Variants in ZC3H12B observed in about 807,000 individuals in gnomAD.
ZC3H12B encodes zinc finger CCCH-type containing 12B.
In ZC3H12B, 7 loss-of-function variants were observed where a neutral mutation model predicts 43.9. That is an observed-to-expected ratio of 0.16 (90% confidence interval 0.09 to 0.30). The LOEUF is 0.30. Among genes scored for constraint, ZC3H12B ranks in the 10% least tolerant of loss-of-function variants. ZC3H12B has a pLI of 1.00. For synonymous variants in ZC3H12B, 222 were observed against 241.7 expected, an observed-to-expected ratio of 0.92 and a Z score of 0.76; for missense variants, 475 against 670.2, an observed-to-expected ratio of 0.71 and a Z score of 3.22.
At chrX:65,371,058 T>C (rs2066237785) in intron 2 of ZC3H12B, among the ~76,000 whole-genome samples, 1 of 112,089 alleles carries the variant, frequency 8.9e-6, no homozygotes, top group African/African-American at 3.2e-5. Flanking sequence ...ATTCCAACAT[T>C]GATATTCTAA....
chrX:65,312,812 G>A, the ZC3H12B span, among the ~76,000 whole-genome samples: 2 of 111,831 alleles, frequency 1.8e-5, no homozygotes, highest in Non-Finnish European at 3.8e-5. Context: ...TCCCTCTCCT[G>A]AGAGCTCCAC....
chrX:65,104,495 A>C, the ZC3H12B span, among the ~76,000 whole-genome samples: 3 of 111,894 alleles, frequency 2.7e-5, no homozygotes, highest in Admixed American at 2.8e-4. Context: ...AATGGGAGAA[A>C]ATTTTTGCAA....
chrX:65,412,678 G>T (rs1000173205), intron 3 of ZC3H12B, among the ~76,000 whole-genome samples: 2 of 111,093 alleles, frequency 1.8e-5, no homozygotes, highest in Non-Finnish European at 3.8e-5. Flanking sequence ...ATGCTACCCA[G>T]GCTGGTCTTG....
the ZC3H12B span, among the ~76,000 whole-genome samples, chrX:65,228,672 A>T: frequency 1.8e-5 from 2 of 112,383 alleles, no homozygotes; most frequent in Non-Finnish European, 3.8e-5. Flanking sequence ...AGCTGATAAC[A>T]ACTTCAGCAA....
At chrX:65,366,873 G>A (rs2066181141) in intron 1 of ZC3H12B, 107 bp downstream of exon 3, 1 of 112,309 alleles carries the variant, frequency 8.9e-6, no homozygotes, top group Non-Finnish European at 1.9e-5. Context: ...CCTATGTGAT[G>A]ACAGTCAACT....
At chrX:65,165,061 C>T in the ZC3H12B span, among the ~76,000 whole-genome samples, 6 of 111,167 alleles carry the variant, frequency 5.4e-5, no homozygotes, top group South Asian at 3.7e-4. Flanking sequence ...AGTTATATTT[C>T]GATGTTACAA....
the ZC3H12B span, among the ~76,000 whole-genome samples, chrX:65,225,537 C>T: frequency 4.1e-4 from 46 of 112,428 alleles, no homozygotes; most frequent in South Asian, 7.3e-4. Context: ...ATGACTTTGA[C>T]GAGTTGAGAG....
chrX:65,299,044 TG>T, the ZC3H12B span, among the ~76,000 whole-genome samples: 1 of 111,729 alleles, frequency 9.0e-6, no homozygotes, highest in Non-Finnish European at 1.9e-5. Context: ...ATGGGGATTA[TG>T]GGAATTATAA....
intron 3 of ZC3H12B, among the ~76,000 whole-genome samples, chrX:65,407,883 G>T (rs1347507062): frequency 1.8e-5 from 2 of 113,708 alleles, no homozygotes; most frequent in Non-Finnish European, 3.7e-5. Context: ...GCCGGAGCCC[G>T]CACCGACGGG....
At chrX:65,436,033 C>T (rs2067217793) in intron 3 of ZC3H12B, among the ~76,000 whole-genome samples, 2 of 112,142 alleles carry the variant, frequency 1.8e-5, no homozygotes, top group African/African-American at 3.2e-5. Flanking sequence ...CATGGATACA[C>T]AGGCTGTACA....
intron 3 of ZC3H12B, among the ~76,000 whole-genome samples, chrX:65,442,392 G>A (rs1228601009): frequency 2.7e-5 from 3 of 111,097 alleles, no homozygotes; most frequent in Admixed American, 9.6e-5. Flanking sequence ...CTGTTTTATA[G>A]CACTAAAGGA....
intron 3 of ZC3H12B, among the ~76,000 whole-genome samples, chrX:65,441,467 C>T (rs1446240617): frequency 8.9e-6 from 1 of 111,801 alleles, no homozygotes; most frequent in East Asian, 2.8e-4. Context: ...CAATAAGCTG[C>T]TTTGCCTTGT....
chrX:65,447,158 G>A (rs1356012536), intron 3 of ZC3H12B, among the ~76,000 whole-genome samples: 1 of 111,070 alleles, frequency 9.0e-6, no homozygotes, highest in Admixed American at 9.6e-5. Context: ...TCTATAATAT[G>A]TATATTAACC....
the ZC3H12B span, among the ~76,000 whole-genome samples, chrX:65,091,416 G>A: frequency 8.9e-6 from 1 of 112,322 alleles, no homozygotes; most frequent in Non-Finnish European, 1.9e-5. Flanking sequence ...AGTGTTTGTT[G>A]TTTCATGCCA....
chrX:65,153,996 C>T, the ZC3H12B span, among the ~76,000 whole-genome samples: 3 of 110,782 alleles, frequency 2.7e-5, no homozygotes, highest in Non-Finnish European at 3.8e-5. Context: ...AACCAAACAC[C>T]GCATATTCTC....
chrX:65,160,348 C>T, the ZC3H12B span, among the ~76,000 whole-genome samples: 1 of 111,756 alleles, frequency 8.9e-6, no homozygotes, highest in South Asian at 3.7e-4. Context: ...ACCAGTTCCT[C>T]CTTGTACCTC....
At chrX:65,254,615 A>C in the ZC3H12B span, among the ~76,000 whole-genome samples, 10 of 112,665 alleles carry the variant, frequency 8.9e-5, no homozygotes, top group South Asian at 3.6e-3. Flanking sequence ...CAGAGAAAGA[A>C]GCAGCACAAG....
At chrX:65,153,615 C>G in the ZC3H12B span, among the ~76,000 whole-genome samples, 1 of 111,930 alleles carries the variant, frequency 8.9e-6, no homozygotes, top group South Asian at 3.7e-4. Flanking sequence ...AATAGGAACA[C>G]TTTTACACTG....
At chrX:65,217,359 TGTG>T in the ZC3H12B span, among the ~76,000 whole-genome samples, 3 of 111,415 alleles carry the variant, frequency 2.7e-5, no homozygotes, top group East Asian at 5.7e-4. Flanking sequence ...AAGCCCAAAC[TGTG>T]AAGACTGGAA....
Sources: gnomAD v4.1 joint callset for allele counts (sites outside exome capture counted in the v4.1 genomes callset) on GRCh38, gnomAD v4.1.1 for gene constraint, MANE v1.5 for transcripts, NCBI Gene and HGNC (gene_info 2026-07-23, HGNC 2026-07-21) for gene names.